The following DCLK1 variants were observed in gnomAD, a reference collection of about 807,000 sequenced individuals.
The protein encoded by DCLK1 is serine/threonine-protein kinase DCLK1.
A neutral mutation model predicts 86.2 loss-of-function variants in DCLK1; 16 were observed. That is an observed-to-expected ratio of 0.19 (90% CI 0.13 to 0.28). The LOEUF (loss-of-function observed/expected upper bound fraction) is 0.28. DCLK1 is among the 10% of genes least tolerant of loss of function. The pLI is 1.00. For synonymous variants in DCLK1, 369 were observed against 370.5 expected (o/e 1.00, Z 0.05); for missense variants, 590 against 940.2 (o/e 0.63, Z 4.87).
intron 4 of DCLK1, among the ~76,000 whole-genome samples, chr13:35,914,361 ATATATATG>A (rs558573415): frequency 0.58 from 51,456 of 88,526 alleles, 12,003 homozygotes; most frequent in Middle Eastern, 0.66. Context: ...ATATATATAT[ATATATATG>A]TATATATATA....
At chr13:36,027,052 T>C (rs1264907067) in intron 3 of DCLK1, among the ~76,000 whole-genome samples, 1 of 152,230 alleles carries the variant, frequency 6.6e-6, no homozygotes, top group Non-Finnish European at 1.5e-5. Flanking sequence ...ATGATGGGGC[T>C]AATATCTAAG....
chr13:35,956,140 T>A (rs1877963923), intron 3 of DCLK1, among the ~76,000 whole-genome samples: 1 of 152,292 alleles, frequency 6.6e-6, no homozygotes, highest in East Asian at 1.9e-4. Context: ...AAATAAAAAC[T>A]GTGACACAGT....
At chr13:35,895,287 TAAA>T (rs71196594) in intron 4 of DCLK1, among the ~76,000 whole-genome samples, 1 of 140,340 alleles carries the variant, frequency 7.1e-6, no homozygotes. Context: ...ACAGGAAAGG[TAAA>T]AAAAAAAAAA....
At chr13:35,976,687 C>G (rs909591008) in intron 3 of DCLK1, among the ~76,000 whole-genome samples, 5 of 151,620 alleles carry the variant, frequency 3.3e-5, no homozygotes, top group Admixed American at 1.3e-4. Context: ...CCCGCCACTG[C>G]GCCCGGCTAA....
intron 14 of DCLK1, among the ~76,000 whole-genome samples, chr13:35,806,930 A>C (rs2087039474): frequency 6.6e-6 from 1 of 152,166 alleles, no homozygotes; most frequent in Non-Finnish European, 1.5e-5. Flanking sequence ...AATATGCATC[A>C]TTTTCTACAC....
intron 3 of DCLK1, among the ~76,000 whole-genome samples, chr13:35,949,337 C>A (rs781769419): frequency 2.8e-4 from 43 of 152,188 alleles, no homozygotes; most frequent in Admixed American, 5.2e-4. Context: ...TTTTCTCACA[C>A]AGCATCATGC....
chr13:36,097,016 A>T lies in DCLK1; in HGVS notation c.723+14853T>A, dbSNP rs1033012029. The stretch of plus-strand genomic sequence containing the variant: ...GTAATAAGTTACTTATAAAACCTCA[A>T]TAAAACCCAGAGCTAGTCAAACCGA... On this transcript the variant is annotated intron_variant, in intron 3 of 16. Coordinates refer to ENST00000360631, the MANE Select transcript of DCLK1 (RefSeq NM_001330071.2). Among the ~76,000 whole-genome samples the T allele has an allele frequency of 6.6e-5, 10 of 152,316 alleles. No homozygotes were observed. In the East Asian group the frequency reaches 1.9e-3, roughly 29 times the overall value.
chr13:36,104,233 C>CTGAG (rs1885316142), intron 3 of DCLK1, among the ~76,000 whole-genome samples: 1 of 152,178 alleles, frequency 6.6e-6, no homozygotes, highest in Non-Finnish European at 1.5e-5. Context: ...TTGCTGAATA[C>CTGAG]TGGAGCCATA....
chr13:36,085,341 A>G (rs1447487756), intron 3 of DCLK1, among the ~76,000 whole-genome samples: 1 of 152,116 alleles, frequency 6.6e-6, no homozygotes, highest in Non-Finnish European at 1.5e-5. Flanking sequence ...CTATCAGTTT[A>G]TTGTGTTTTT....
intron 6 of DCLK1, among the ~76,000 whole-genome samples, chr13:35,842,433 G>A (rs1869877572): frequency 6.6e-6 from 1 of 151,854 alleles, no homozygotes; most frequent in South Asian, 2.1e-4. Context: ...CACTTTGGGA[G>A]GCTGAGGCAG....
intron 4 of DCLK1, among the ~76,000 whole-genome samples, chr13:35,882,016 A>G (rs1872938744): frequency 6.6e-6 from 1 of 152,230 alleles, no homozygotes; most frequent in African/African-American, 2.4e-5. Context: ...TTTAGTTGCC[A>G]TAACAAATTA....
chr13:36,046,687 G>T (rs1011992745), intron 3 of DCLK1, among the ~76,000 whole-genome samples: 4 of 152,186 alleles, frequency 2.6e-5, no homozygotes, highest in Admixed American at 6.5e-5. Context: ...TAAAGCTAAT[G>T]ATTTTTCATT....
intron 12 of DCLK1, 97 bp downstream of exon 12, chr13:35,810,738 T>G: frequency 7.2e-7 from 1 of 1,396,344 alleles, no homozygotes; most frequent in Non-Finnish European, 9.6e-7. Context: ...GATAGCTAAT[T>G]ATGTCTGGAT....
chr13:36,093,787 T>C (rs1884914307), intron 3 of DCLK1, among the ~76,000 whole-genome samples: 1 of 152,196 alleles, frequency 6.6e-6, no homozygotes, highest in Non-Finnish European at 1.5e-5. Flanking sequence ...TATTTAAAAT[T>C]AGAAATACAT....
At chr13:36,058,419 C>T (rs1883414920) in intron 3 of DCLK1, among the ~76,000 whole-genome samples, 1 of 152,124 alleles carries the variant, frequency 6.6e-6, no homozygotes, top group Non-Finnish European at 1.5e-5. Flanking sequence ...AGGATCAAGA[C>T]TCAGGACTGA....
intron 16 of DCLK1, among the ~76,000 whole-genome samples, chr13:35,780,005 A>C (rs1444274399): frequency 6.6e-6 from 1 of 151,862 alleles, no homozygotes; most frequent in African/African-American, 2.4e-5. Context: ...AAAGCATTTG[A>C]AACATAATTT....
chr13:35,937,746 C>T (rs192822574), intron 4 of DCLK1, among the ~76,000 whole-genome samples: 3 of 152,148 alleles, frequency 2.0e-5, no homozygotes, highest in Middle Eastern at 3.4e-3. Flanking sequence ...CTGATAAAAC[C>T]CCATAATTCT....
chr13:35,955,409 A>G (rs1190695998), intron 3 of DCLK1, among the ~76,000 whole-genome samples: 1 of 152,082 alleles, frequency 6.6e-6, no homozygotes, highest in Non-Finnish European at 1.5e-5. Context: ...CTCACGAGGT[A>G]GAAGGGACAA....
intron 3 of DCLK1, among the ~76,000 whole-genome samples, chr13:36,090,451 G>C (rs1884778994): frequency 6.6e-6 from 1 of 152,172 alleles, no homozygotes; most frequent in African/African-American, 2.4e-5. Context: ...CTGGGACTTA[G>C]GGTGTACAGG....
Sources: allele counts gnomAD v4.1 joint callset (sites outside exome capture counted in the v4.1 genomes callset), GRCh38; gene constraint gnomAD v4.1.1; transcripts MANE v1.5; gene names NCBI Gene and HGNC (gene_info 2026-07-23, HGNC 2026-07-21).